GPM6B: variants seen among roughly 807,000 people sequenced by gnomAD.
GPM6B encodes glycoprotein M6B, also known as neuronal membrane glycoprotein M6-b.
GPM6B carries 4 observed loss-of-function variants against 27.2 expected under a neutral mutation model. That is an observed-to-expected ratio of 0.15 (90% CI 0.07 to 0.34). GPM6B has a LOEUF of 0.34. Among genes scored for constraint, GPM6B ranks in the 10% least tolerant of loss-of-function variants. The pLI is 1.00. For missense variants in GPM6B, 183 were observed against 261.9 expected (o/e 0.70, Z 2.08); for synonymous variants, 124 against 103.1 (o/e 1.20, Z -1.23).
intron 1 of GPM6B, among the ~76,000 whole-genome samples, chrX:13,810,745 A>G (rs1278199051): frequency 1.2e-5 from 1 of 81,036 alleles, no homozygotes; most frequent in Non-Finnish European, 2.3e-5. Context: ...TTCAGGATTT[A>G]AAAAAAAAAA....
intron 1 of GPM6B, among the ~76,000 whole-genome samples, chrX:13,842,043 A>G (rs1210278572): frequency 8.9e-6 from 1 of 112,014 alleles, no homozygotes; most frequent in East Asian, 2.8e-4. Context: ...CCAATTTACT[A>G]CAATATGACA....
At chrX:13,845,555 T>C (rs2049635915) in intron 1 of GPM6B, among the ~76,000 whole-genome samples, 1 of 112,411 alleles carries the variant, frequency 8.9e-6, no homozygotes, top group South Asian at 3.6e-4. Context: ...TATATATATT[T>C]AACTTAAAAA....
intron 1 of GPM6B, among the ~76,000 whole-genome samples, chrX:13,893,701 G>A (rs2050207951): frequency 8.9e-6 from 1 of 112,014 alleles, no homozygotes; most frequent in Admixed American, 9.5e-5. Context: ...ACAAATAAGG[G>A]CTCATACACC....
intron 1 of GPM6B, among the ~76,000 whole-genome samples, chrX:13,883,982 C>G (rs2050109994): frequency 8.9e-6 from 1 of 111,893 alleles, no homozygotes; most frequent in Non-Finnish European, 1.9e-5. Flanking sequence ...TCAAGACCAG[C>G]ATGGCCAACA....
chrX:13,931,483 T>G (rs752503690), intron 1 of GPM6B, among the ~76,000 whole-genome samples: 1,676 of 107,548 alleles, frequency 0.016, 20 homozygotes, highest in Non-Finnish European at 0.025. Flanking sequence ...GTGAGACTCC[T>G]TCTCAAAAAA....
At chrX:13,880,601 G>A (rs769800054) in intron 1 of GPM6B, among the ~76,000 whole-genome samples, 32 of 101,625 alleles carry the variant, frequency 3.1e-4, no homozygotes, top group African/African-American at 1.1e-3. Flanking sequence ...GTGTGAACCC[G>A]GGAGGCAGAG....
At chrX:13,919,173 T>C (rs1355965526) in intron 1 of GPM6B, among the ~76,000 whole-genome samples, 1 of 111,509 alleles carries the variant, frequency 9.0e-6, no homozygotes, top group Non-Finnish European at 1.9e-5. Flanking sequence ...GACTGGCCAA[T>C]ATGTAGCTCT....
intron 1 of GPM6B, among the ~76,000 whole-genome samples, chrX:13,855,041 C>G (rs1209980380): frequency 9.2e-6 from 1 of 109,074 alleles, no homozygotes; most frequent in Non-Finnish European, 1.9e-5. Context: ...TTTTTTGACA[C>G]AGAGTCTCGC....
chrX:13,814,677 T>C (rs1603041129), intron 1 of GPM6B, among the ~76,000 whole-genome samples: 1 of 112,272 alleles, frequency 8.9e-6, no homozygotes, highest in Admixed American at 9.4e-5. Flanking sequence ...ATTGGGAAAC[T>C]ACAAAGTGTC....
At chrX:13,789,527 G>A (rs1156987789) in intron 2 of GPM6B, among the ~76,000 whole-genome samples, 1 of 111,842 alleles carries the variant, frequency 8.9e-6, no homozygotes, top group African/African-American at 3.3e-5. Flanking sequence ...TGTAATCCCA[G>A]CACTTTGGGA....
At chrX:13,793,726 C>T (rs1262558333) in intron 2 of GPM6B, among the ~76,000 whole-genome samples, 15 of 111,940 alleles carry the variant, frequency 1.3e-4, no homozygotes, top group Admixed American at 1.1e-3. Flanking sequence ...CCTGGCTTCA[C>T]CCCAGACCAA....
At chrX:13,795,033 T>C (rs2048784390) in intron 2 of GPM6B, among the ~76,000 whole-genome samples, 1 of 112,498 alleles carries the variant, frequency 8.9e-6, no homozygotes, top group Non-Finnish European at 1.9e-5. Context: ...TGATAGTATC[T>C]GTTGCCAATC....
At chrX:13,855,334 G>A (rs887017258) in intron 1 of GPM6B, among the ~76,000 whole-genome samples, 1 of 112,115 alleles carries the variant, frequency 8.9e-6, no homozygotes, top group Admixed American at 9.5e-5. Context: ...GACTTTTAAG[G>A]CCATGTTAAG....
chrX:13,802,588 G>A (rs1410531113), intron 2 of GPM6B, among the ~76,000 whole-genome samples: 2 of 110,682 alleles, frequency 1.8e-5, no homozygotes, highest in Non-Finnish European at 3.8e-5. Context: ...ATAGCAGTCA[G>A]TAAATAAACT....
chrX:13,888,168 T>C (rs1411704217), intron 1 of GPM6B, among the ~76,000 whole-genome samples: 1 of 112,206 alleles, frequency 8.9e-6, no homozygotes, highest in Non-Finnish European at 1.9e-5. Context: ...GAAAACGTCA[T>C]GGTTTGGGAA....
chrX:13,801,445 A>G (rs767458000), intron 2 of GPM6B, among the ~76,000 whole-genome samples: 2 of 112,252 alleles, frequency 1.8e-5, no homozygotes, highest in African/African-American at 6.5e-5. Flanking sequence ...TAGATAGAGT[A>G]TTGCATTTTG....
At position 13,840,924 on chromosome X, in the gene GPM6B, C is replaced by T. The variant is rs150435413; in HGVS notation, c.-197-55116G>A. On this transcript the variant is annotated intron_variant, in intron 1 of 6. Transcript: ENST00000398361. ...CGGATAGGGACAGAGAAGATGAATTCAGCTTAGAATATTTTGAATTTAGGA... is the reference window on the plus strand; with the variant it reads ...CGGATAGGGACAGAGAAGATGAATTTAGCTTAGAATATTTTGAATTTAGGA... 6.6e-3 allele frequency among the ~76,000 whole-genome samples: 741 copies of T among 111,674 alleles called. 13 individuals carry two copies. Among genetic ancestry groups the T allele is most frequent in the African/African-American group, 0.023 (692 of 30,644 alleles).
intron 1 of GPM6B, among the ~76,000 whole-genome samples, chrX:13,836,155 T>A (rs1471664841): frequency 8.9e-6 from 1 of 111,953 alleles, no homozygotes; most frequent in African/African-American, 3.2e-5. Context: ...CCAGTAGCAG[T>A]TTGCACTTTA....
rs145502762 is a variant in GPM6B, at chrX:13,827,435, C to T, written c.-197-41627G>A. On this transcript the variant is annotated intron_variant, in intron 1 of 6. Transcript: ENST00000398361. ...ATAGCTGGCATTACAGGTGTGACCA[C>T]GCCCAGCCCATTTCCCCCTTCTTAG... is the stretch of plus-strand genomic sequence containing the variant. Among the ~76,000 whole-genome samples the T allele has an allele frequency of 9.3e-3, 1,022 of 109,743 alleles. 11 individuals carry two copies. The highest frequency in any genetic ancestry group is 0.032 in the African/African-American group (966 of 30,101).
Sources: gnomAD v4.1 joint callset for allele counts (sites outside exome capture counted in the v4.1 genomes callset) on GRCh38, gnomAD v4.1.1 for gene constraint, MANE v1.5 for transcripts, NCBI Gene and HGNC (gene_info 2026-07-23, HGNC 2026-07-21) for gene names.